ARAP2: variants seen among roughly 807,000 people sequenced by gnomAD.
ARAP2 encodes the protein ArfGAP with RhoGAP domain, ankyrin repeat and PH domain 2, also known as arf-GAP with Rho-GAP domain, ANK repeat and PH domain-containing protein 2.
Under a neutral mutation model 194.5 loss-of-function variants are expected in ARAP2, and 148 were observed. That is an observed-to-expected ratio of 0.76 (90% CI 0.67 to 0.87). ARAP2 has a LOEUF of 0.87. Ranked by LOEUF, ARAP2 falls within the 40% of genes least tolerant of loss-of-function variation. ARAP2 has a pLI of 0.00. For synonymous variants in ARAP2, 695 were observed against 683.5 expected (o/e 1.02, Z -0.26); for missense variants, 2,128 against 1,989.7 (o/e 1.07, Z -1.32).
intron 9 of ARAP2, among the ~76,000 whole-genome samples, chr4:36,172,140 G>T (rs1029800460): frequency 3.9e-5 from 6 of 152,206 alleles, no homozygotes; most frequent in African/African-American, 1.2e-4. Flanking sequence ...TAGAACGTAG[G>T]TTGTCAAGAA....
At chr4:36,077,002 TG>T (rs1416146542) in intron 31 of ARAP2, among the ~76,000 whole-genome samples, 1 of 152,254 alleles carries the variant, frequency 6.6e-6, no homozygotes, top group East Asian at 1.9e-4. Context: ...AGCAAGGGCA[TG>T]GGAGTCCTTG....
intron 8 of ARAP2, among the ~76,000 whole-genome samples, chr4:36,013,168 T>C (rs1714858657): frequency 6.6e-6 from 1 of 152,170 alleles, no homozygotes; most frequent in Non-Finnish European, 1.5e-5. Context: ...TTAAAAAGTG[T>C]GGCCCTTGTC....
At chr4:36,241,565 A>G (rs1753508477) in intron 1 of ARAP2, among the ~76,000 whole-genome samples, 1 of 152,216 alleles carries the variant, frequency 6.6e-6, no homozygotes, top group Admixed American at 6.5e-5. Flanking sequence ...AGAGTTTACA[A>G]TCTAAAAGGG....
intron 15 of ARAP2, among the ~76,000 whole-genome samples, chr4:36,158,214 G>C (rs1037368847): frequency 6.6e-6 from 1 of 151,702 alleles, no homozygotes; most frequent in Non-Finnish European, 1.5e-5. Flanking sequence ...CCCAAACCTA[G>C]AATATATTGT....
intron 9 of ARAP2, among the ~76,000 whole-genome samples, chr4:36,011,236 T>C (rs34073945): frequency 0.3 from 45,408 of 151,928 alleles, 7,384 homozygotes; most frequent in East Asian, 0.44. Context: ...TTCGCTCATC[T>C]ACTGTAAAAC....
At chr4:36,048,765 T>C (rs1210483705) in intron 3 of ARAP2, among the ~76,000 whole-genome samples, 2 of 152,118 alleles carry the variant, frequency 1.3e-5, no homozygotes, top group Non-Finnish European at 2.9e-5. Context: ...TTTAAGTTTT[T>C]CGAGAAATAT....
At chr4:36,097,262 A>T (rs1715563349) in intron 27 of ARAP2, among the ~76,000 whole-genome samples, 1 of 152,066 alleles carries the variant, frequency 6.6e-6, no homozygotes, top group African/African-American at 2.4e-5. Flanking sequence ...TTTGAAAGGA[A>T]TATATGCTAA....
Position 36,068,039 on chromosome 4 carries a change from C to T in ARAP2, c.4983G>A (p.Glu1661=). 5 of 1,614,122 alleles carry T rather than the reference C, an allele frequency of 3.1e-6. No individual in the cohort carries two copies. The highest frequency in any genetic ancestry group is 1.3e-5 in the African/African-American group (1 of 75,028). ...CCAAAGTAGCTTTGCTATTCCTGTC[C>T]TCAGTCTTCCTCAATGTCTTTAGGC... ...HKGLKTLRKT[E]DRNSKATLDS... is the part of the protein sequence containing the mutation. The change falls in exon 33 of 33, where the codon GAG becomes GAA. Residue 1661 remains glutamate, a synonymous_variant. Coordinates refer to ENST00000303965, the MANE Select transcript of ARAP2 (RefSeq NM_015230.4).
intron 15 of ARAP2, among the ~76,000 whole-genome samples, chr4:36,155,592 C>G (rs1390804886): frequency 6.6e-6 from 1 of 151,894 alleles, no homozygotes; most frequent in Non-Finnish European, 1.5e-5. Flanking sequence ...AGAAGAATAA[C>G]AGTAGATGCA....
chr4:36,172,273 T>A lies in ARAP2; in HGVS notation c.1858-5226A>T, dbSNP rs191039199. On this transcript the variant is annotated intron_variant, in intron 9 of 32. Transcript: ENST00000303965. ...CCTAGGGAGAATCGAAGCTGACCCA[T>A]TTACTGGCTGTTTGATCACTGGCAA... 3.3e-5 allele frequency among the ~76,000 whole-genome samples: 5 copies of A among 152,312 alleles called. No homozygotes were observed. The East Asian group carries it at 9.6e-4, about 29-fold the overall frequency.
chr4:36,079,362 C>T (rs1728989886), intron 31 of ARAP2, among the ~76,000 whole-genome samples: 1 of 151,938 alleles, frequency 6.6e-6, no homozygotes, highest in African/African-American at 2.4e-5. Flanking sequence ...ATTAAATGAA[C>T]AGAGAAAACT....
chr4:36,139,708 T>C lies in ARAP2; in HGVS notation c.3264-6319A>G, dbSNP rs184559718. Among the ~76,000 whole-genome samples the C allele has an allele frequency of 1.1e-4, 16 of 151,764 alleles. No individual in the cohort carries two copies. In the East Asian group the frequency reaches 2.9e-3, roughly 28 times the overall value. On this transcript the variant is annotated intron_variant, in intron 19 of 32. Coordinates refer to ENST00000303965, the MANE Select transcript of ARAP2 (RefSeq NM_015230.4). ...TTCAACTTCCTTGTAAATAGTTTTA[T>C]AGCTCCATCACACAAATTTGATGTT...
intron 5 of ARAP2, among the ~76,000 whole-genome samples, chr4:36,038,873 T>C (rs1720367908): frequency 6.6e-6 from 1 of 152,218 alleles, no homozygotes; most frequent in Non-Finnish European, 1.5e-5. Flanking sequence ...AAAGCAATCT[T>C]GTAAAATGTC....
chr4:36,242,092 T>A (rs754464774), intron 1 of ARAP2, among the ~76,000 whole-genome samples: 1 of 152,196 alleles, frequency 6.6e-6, no homozygotes, highest in Non-Finnish European at 1.5e-5. Flanking sequence ...ATCTGGCCAA[T>A]ACTTACAAGT....
chr4:36,062,422 G>T (rs185118108), downstream of ARAP2, among the ~76,000 whole-genome samples: 3 of 152,152 alleles, frequency 2.0e-5, no homozygotes, highest in East Asian at 5.8e-4. Context: ...TAGTTATTAG[G>T]TTGGTGTCCT....
At chr4:36,236,178 CAAAA>C (rs35020862) in intron 1 of ARAP2, among the ~76,000 whole-genome samples, 3 of 119,086 alleles carry the variant, frequency 2.5e-5, no homozygotes, top group Non-Finnish European at 5.3e-5. Context: ...GACCCTGTCT[CAAAA>C]AAAAAAAAAA....
chr4:36,111,477 A>C (rs1198742170), intron 26 of ARAP2, among the ~76,000 whole-genome samples: 2 of 151,946 alleles, frequency 1.3e-5, no homozygotes, highest in Admixed American at 1.3e-4. Flanking sequence ...GACCATGCCA[A>C]ATTTGAATTC....
At chr4:36,092,068 T>C (rs1299939394) in intron 27 of ARAP2, 48 bp from the exon 28 acceptor site, 1 of 1,483,100 alleles carries the variant, frequency 6.7e-7, no homozygotes, top group African/African-American at 1.4e-5. Context: ...TTTTTACTTA[T>C]TTGAAATACA....
intron 27 of ARAP2, among the ~76,000 whole-genome samples, chr4:36,100,251 A>G (rs1227934008): frequency 6.6e-6 from 1 of 152,112 alleles, no homozygotes; most frequent in Admixed American, 6.6e-5. Context: ...GTAAATTCAC[A>G]GTAACTATGA....
Sources: gnomAD v4.1 joint callset for allele counts (sites outside exome capture counted in the v4.1 genomes callset) on GRCh38, gnomAD v4.1.1 for gene constraint, MANE v1.5 for transcripts, NCBI Gene and HGNC (gene_info 2026-07-23, HGNC 2026-07-21) for gene names.